SYTL2: variants seen among roughly 807,000 people sequenced by gnomAD.
The protein encoded by SYTL2 is synaptotagmin like 2, also known as synaptotagmin-like protein 2.
SYTL2 carries 165 observed loss-of-function variants against 198.7 expected under a neutral mutation model. That is an observed-to-expected ratio of 0.83 (90% CI 0.73 to 0.94). The LOEUF is 0.94. SYTL2 is among the 40% of genes least tolerant of loss of function. The pLI is 0.00. For missense variants in SYTL2, 2,835 were observed against 2,582.8 expected, an observed-to-expected ratio of 1.10 and a Z score of -2.12; for synonymous variants, 966 against 917.7, an observed-to-expected ratio of 1.05 and a Z score of -0.95.
chr11:85,750,732 A>T (rs1318069161), intron 2 of SYTL2, among the ~76,000 whole-genome samples: 1 of 152,024 alleles, frequency 6.6e-6, no homozygotes, highest in African/African-American at 2.4e-5. Flanking sequence ...CAGGCAAGAG[A>T]TCAAGAAGAT....
intron 1 of SYTL2, among the ~76,000 whole-genome samples, chr11:85,773,304 C>A (rs2092392838): frequency 6.6e-6 from 1 of 152,352 alleles, no homozygotes; most frequent in South Asian, 2.1e-4. Context: ...CCCTGACTTC[C>A]TTTCCATTTC....
the SYTL2 span, among the ~76,000 whole-genome samples, chr11:85,848,222 G>A: frequency 6.7e-6 from 1 of 149,924 alleles, no homozygotes; most frequent in Non-Finnish European, 1.5e-5. Context: ...CCTGGTGACA[G>A]AGCAAGACCC....
Position 85,727,678 on chromosome 11 carries a change from G to A in SYTL2, c.1680C>T (p.Asp560=), listed in dbSNP as rs1354130595. 2 of 1,540,280 alleles carry A rather than the reference G, an allele frequency of 1.3e-6. No homozygotes were observed. Among genetic ancestry groups the A allele is most frequent in the Non-Finnish European group, 1.7e-6 (2 of 1,146,954 alleles). ...TTAAAGTAGTGTCATCTGTCACCAAGTCAACAGCAACCTGTGATTTTGAGT... is the reference window on the plus strand; with the variant it reads ...TTAAAGTAGTGTCATCTGTCACCAAATCAACAGCAACCTGTGATTTTGAGT... The part of the protein sequence containing the change: ...KTDSKSQVAV[D]LVTDDTTLRE... Residue 560 remains aspartate (D), a synonymous_variant, in exon 8 of 20, where the codon GAC becomes GAT. Transcript: ENST00000359152.
chr11:85,815,671 G>A (rs2153669141), upstream of SYTL2, among the ~76,000 whole-genome samples: 1 of 152,324 alleles, frequency 6.6e-6, no homozygotes, highest in African/African-American at 2.4e-5. Context: ...AGGCACATGA[G>A]AGGATCAGGC....
At chr11:85,723,595 C>T (rs887836382) in intron 8 of SYTL2, among the ~76,000 whole-genome samples, 5 of 152,062 alleles carry the variant, frequency 3.3e-5, no homozygotes, top group Non-Finnish European at 5.9e-5. Context: ...TAAATATTTC[C>T]AGGAGGAAAA....
Position 85,724,538 on chromosome 11 carries a change from G to A in SYTL2, c.4820C>T (p.Thr1607Ile), listed in dbSNP as rs781303005. Residue 1607 changes from threonine (T) to isoleucine (I), a missense_variant, in exon 8 of 20, where the codon ACA becomes ATA. Coordinates refer to ENST00000359152, the MANE Select transcript of SYTL2 (RefSeq NM_206927.4). ...GGCTGCCCTGTAAAAATGGGGCACT[G>A]TCCCCAAGAACCTGGTCTGCTCTGA... ...SQSEQTRFLGTVPHFYRAASQ... is the reference protein window; with the variant it reads ...SQSEQTRFLGIVPHFYRAASQ... 4.3e-6 allele frequency: 7 copies of A among 1,613,822 alleles called. No homozygotes were observed. The East Asian group carries it at 1.3e-4, about 31-fold the overall frequency.
At chr11:85,777,813 T>TTTTTTTTG (rs2092480266) in intron 1 of SYTL2, among the ~76,000 whole-genome samples, 1 of 45,590 alleles carries the variant, frequency 2.2e-5, no homozygotes, top group Non-Finnish European at 4.2e-5. Flanking sequence ...GTCTTACTTC[T>TTTTTTTTG]TTTTTTTTTT....
At chr11:85,781,987 C>G (rs1398333683) in intron 1 of SYTL2, among the ~76,000 whole-genome samples, 1 of 152,216 alleles carries the variant, frequency 6.6e-6, no homozygotes, top group South Asian at 2.1e-4. Flanking sequence ...GCCCTCTTCT[C>G]ACAGCTCCAC....
In SYTL2 at chr11:85,765,467, C is replaced by A. The variant is rs191863599; in HGVS notation, c.-389-7353G>T. On this transcript the variant is annotated intron_variant, in intron 1 of 19. Coordinates refer to ENST00000359152, the MANE Select transcript of SYTL2 (RefSeq NM_206927.4). ...GCCCAGGCTGGTCTCAAACTCCTGA[C>A]CTCGTGATCTGCCCACCTTGTCCTC... Among the ~76,000 whole-genome samples the A allele has an allele frequency of 3.7e-4, 56 of 152,330 alleles. No homozygotes were observed. The East Asian group carries it at 9.7e-3, about 26-fold the overall frequency.
upstream of SYTL2, among the ~76,000 whole-genome samples, chr11:85,814,120 A>C (rs778316347): frequency 2.6e-5 from 4 of 152,166 alleles, no homozygotes; most frequent in Admixed American, 1.3e-4. Context: ...TGCCTGGCCC[A>C]AGGTAAGATC....
intron 18 of SYTL2, 159 bp from the exon 19 acceptor site, chr11:85,696,547 G>A: frequency 4.7e-6 from 3 of 637,496 alleles, no homozygotes; most frequent in Non-Finnish European, 8.3e-6. Context: ...TAGGGGGTAG[G>A]AACACATCAT....
the SYTL2 span, among the ~76,000 whole-genome samples, chr11:85,834,126 G>A: frequency 6.6e-6 from 1 of 151,812 alleles, no homozygotes; most frequent in Non-Finnish European, 1.5e-5. Context: ...ATGCACAAGA[G>A]TTCACAGAAA....
the SYTL2 span, among the ~76,000 whole-genome samples, chr11:85,848,095 T>C: frequency 6.6e-6 from 1 of 151,804 alleles, no homozygotes; most frequent in African/African-American, 2.4e-5. Context: ...AAAAAATCAG[T>C]TGAGCATGGT....
chr11:85,734,274 C>G lies in SYTL2; in HGVS notation c.1055G>C (p.Arg352Pro), dbSNP rs372799392. 6.2e-7 allele frequency: 1 copy of G among 1,614,032 alleles called. No homozygotes were observed. The highest frequency in any genetic ancestry group is 8.5e-7 in the Non-Finnish European group (1 of 1,180,006). Residue 352 changes from arginine (R) to proline (P), a missense_variant, in exon 7 of 20, where the codon CGG (arginine) becomes CCG (proline). Physicochemically the swap from Arg to Pro is moderately radical, Grantham distance 103. Around this residue, in one of 3 missense-constraint regions of SYTL2, gnomAD observed 2,645 missense variants for 2,381.7 expected, o/e 1.11. Coordinates refer to ENST00000359152, the MANE Select transcript of SYTL2 (RefSeq NM_206927.4). The stretch of plus-strand genomic sequence containing the variant: ...TAAAACACTAAATTCTCCTACTTCC[C>G]GACCATGGATTAGCCCAGGACTCTG... Reference protein sequence around the residue: ...LPQSPGLIHGREVGEFSVLES... With the variant: ...LPQSPGLIHGPEVGEFSVLES...
At chr11:85,719,092 G>A in intron 9 of SYTL2, 1 of 1,494,710 alleles carries the variant, frequency 6.7e-7, no homozygotes. Flanking sequence ...CCAAGGGTTA[G>A]AGGGTTAGTT....
the SYTL2 span, among the ~76,000 whole-genome samples, chr11:85,829,049 G>GTT: frequency 8.2e-5 from 12 of 146,398 alleles, no homozygotes; most frequent in African/African-American, 2.0e-4. Context: ...AAAGAGCTCT[G>GTT]TTTTTTTTTT....
intron 1 of SYTL2, among the ~76,000 whole-genome samples, chr11:85,789,823 G>T (rs2092704429): frequency 6.6e-6 from 1 of 151,994 alleles, no homozygotes; most frequent in Non-Finnish European, 1.5e-5. Flanking sequence ...ATGCTTGCTT[G>T]GTTTAGAGAG....
At chr11:85,763,664 T>G (rs1161741197) in intron 1 of SYTL2, among the ~76,000 whole-genome samples, 3 of 151,156 alleles carry the variant, frequency 2.0e-5, no homozygotes, top group Non-Finnish European at 4.4e-5. Flanking sequence ...ACAGGCAAAT[T>G]GTCCTGACAG....
At chr11:85,825,184 CG>C in the SYTL2 span, among the ~76,000 whole-genome samples, 1 of 152,100 alleles carries the variant, frequency 6.6e-6, no homozygotes, top group South Asian at 2.1e-4. Context: ...GTCAGGAGAT[CG>C]AGACCATCCC....
Sources: allele counts gnomAD v4.1 joint callset (sites outside exome capture counted in the v4.1 genomes callset), GRCh38; gene constraint gnomAD v4.1.1; regional missense constraint gnomAD v4.1.1; transcripts MANE v1.5; gene names NCBI Gene and HGNC (gene_info 2026-07-23, HGNC 2026-07-21).